GTF2H1: variants seen among roughly 807,000 people sequenced by gnomAD.
GTF2H1 encodes BTF2 p62.
A neutral mutation model predicts 71.2 loss-of-function variants in GTF2H1; 16 were observed. The ratio of observed to expected loss-of-function variants is 0.22; its 90% confidence interval spans 0.15 to 0.34. The LOEUF (loss-of-function observed/expected upper bound fraction) is 0.34. Ranked by LOEUF, GTF2H1 falls within the 10% of genes least tolerant of loss-of-function variation. GTF2H1 has a pLI of 1.00. For synonymous variants in GTF2H1, 215 were observed against 219.0 expected, an observed-to-expected ratio of 0.98 and a Z score of 0.16; for missense variants, 498 against 648.2, an observed-to-expected ratio of 0.77 and a Z score of 2.52.
intron 11 of GTF2H1, among the ~76,000 whole-genome samples, chr11:18,354,889 A>G (rs1352304625): frequency 1.3e-5 from 2 of 151,366 alleles, no homozygotes; most frequent in Admixed American, 1.3e-4. Context: ...GCCCACTGCA[A>G]CCTCCACCTC....
chr11:18,363,486 A>G (rs756938860), intron 14 of GTF2H1, among the ~76,000 whole-genome samples: 4 of 152,212 alleles, frequency 2.6e-5, no homozygotes, highest in Non-Finnish European at 5.9e-5. Context: ...GACCGCCATC[A>G]TATATGCACA....
chr11:18,330,835 C>T (rs1478242591), intron 1 of GTF2H1, among the ~76,000 whole-genome samples: 1 of 152,054 alleles, frequency 6.6e-6, no homozygotes, highest in Non-Finnish European at 1.5e-5. Context: ...TGGCTCAGTA[C>T]AGATTTGTTG....
chr11:18,343,947 A>G (rs1305736659), intron 7 of GTF2H1, among the ~76,000 whole-genome samples: 1 of 152,104 alleles, frequency 6.6e-6, no homozygotes, highest in African/African-American at 2.4e-5. Flanking sequence ...AATCTGCCTT[A>G]GGCTCCTGAG....
intron 7 of GTF2H1, among the ~76,000 whole-genome samples, chr11:18,346,643 C>T (rs1285358593): frequency 6.6e-6 from 1 of 151,612 alleles, no homozygotes; most frequent in Non-Finnish European, 1.5e-5. Flanking sequence ...TTTATCTTGC[C>T]TAGATTAACG....
rs772325446 is a variant in GTF2H1 at position 18,365,746 on chromosome 11, T to C, written c.1561-37T>C. 2.1e-6 allele frequency: 3 copies of C among 1,425,820 alleles called. No homozygotes were observed. The East Asian group carries it at 6.8e-5, about 32-fold the overall frequency. The allele number at this position is 1,425,820 out of a possible 1,614,324, so 88.3% of individuals were successfully genotyped here. A position where few individuals can be genotyped will look rare whatever the true frequency, so the allele number is the denominator to read the frequency against. On this transcript the variant is annotated intron_variant, in intron 14 of 14. Coordinates refer to ENST00000265963, the MANE Select transcript of GTF2H1 (RefSeq NM_005316.4). ...GTTGGAAGGATTAACTTCCCCTGCT[T>C]TTGCCCAGTTGTTAAGTGTCTTGCT... is the stretch of plus-strand genomic sequence containing the variant.
chr11:18,353,511 G>A (rs1005169945), intron 11 of GTF2H1, among the ~76,000 whole-genome samples: 1 of 152,162 alleles, frequency 6.6e-6, no homozygotes. Context: ...TTCGGCTTAT[G>A]CTCTTTCTCT....
At chr11:18,343,698 G>T (rs1302286109) in intron 7 of GTF2H1, among the ~76,000 whole-genome samples, 1 of 152,190 alleles carries the variant, frequency 6.6e-6, no homozygotes, top group Non-Finnish European at 1.5e-5. Context: ...GTATTTCAAA[G>T]ACATCTCAAC....
intron 1 of GTF2H1, among the ~76,000 whole-genome samples, chr11:18,327,265 G>A (rs758205789): frequency 3.4e-5 from 5 of 148,966 alleles, no homozygotes; most frequent in African/African-American, 7.3e-5. Context: ...AACTGCTCTA[G>A]TATAAAATAC....
At position 18,360,596 on chromosome 11, in the gene GTF2H1, T is replaced by A. The variant is rs375242590; in HGVS notation, c.1468-19T>A. ...AGCTTGAGATTTCTCTGTAATTTAT[T>A]GTTTCTCATCTTTTTTAGGTAGTGA... On this transcript the variant is annotated intron_variant, in intron 13 of 14. Coordinates refer to ENST00000265963, the MANE Select transcript of GTF2H1 (RefSeq NM_005316.4). 1.7e-6 allele frequency: 2 copies of A among 1,210,058 alleles called. No individual in the cohort carries two copies. The highest frequency in any genetic ancestry group is 3.1e-5 in the African/African-American group (2 of 64,166). 75.0% of individuals were successfully genotyped at this position (1,210,058 alleles called of 1,614,324 possible).
intron 11 of GTF2H1, among the ~76,000 whole-genome samples, chr11:18,352,691 CT>C (rs1158020227): frequency 6.6e-6 from 1 of 152,138 alleles, no homozygotes; most frequent in Non-Finnish European, 1.5e-5. Context: ...CTTCCATATA[CT>C]TTTATTGGGA....
rs755679869 is a variant in GTF2H1 at position 18,365,906 on chromosome 11, A to C, written c.*37A>C. ...TGCTTACAGGTTTTGTGAGATTGAG[A>C]GAACTATGACCTGCAGCAACTCTGG... On this transcript the variant is annotated 3_prime_UTR_variant, in exon 15 of 15. Coordinates refer to ENST00000265963, the MANE Select transcript of GTF2H1 (RefSeq NM_005316.4). The C allele has an allele frequency of 1.7e-5, 24 of 1,444,996 alleles. No homozygotes were observed. The highest frequency in any genetic ancestry group is 2.3e-5 in the Non-Finnish European group (24 of 1,028,238). 89.5% of individuals were successfully genotyped at this position (1,444,996 alleles called of 1,614,324 possible).
rs1317753639 is a variant in GTF2H1, at chr11:18,366,722, T to C, written c.*853T>C. The C allele has an allele frequency of 6.6e-6, 1 of 152,618 alleles. No individual in the cohort carries two copies. The allele number at this position is 152,618 out of a possible 1,614,324, so 9.5% of individuals were successfully genotyped here. On this transcript the variant is annotated 3_prime_UTR_variant, in exon 15 of 15. Coordinates refer to ENST00000265963, the MANE Select transcript of GTF2H1 (RefSeq NM_005316.4). ...GGCATGTGCTTTGAAAAGAAGATAT[T>C]GCATTTTTAAGAGTTTAAAAATCTT...
intron 1 of GTF2H1, among the ~76,000 whole-genome samples, chr11:18,323,565 A>C (rs528589127): frequency 1.3e-5 from 2 of 148,534 alleles, no homozygotes; most frequent in African/African-American, 5.0e-5. Flanking sequence ...AAACAAAAAC[A>C]AAAAAAAAAC....
intron 7 of GTF2H1, among the ~76,000 whole-genome samples, chr11:18,344,097 T>G (rs1460120003): frequency 6.6e-6 from 1 of 152,130 alleles, no homozygotes; most frequent in East Asian, 1.9e-4. Context: ...AGTGCTGAGA[T>G]TACAGGCGTG....
At chr11:18,329,038 G>A (rs375193977) in intron 1 of GTF2H1, among the ~76,000 whole-genome samples, 11 of 152,112 alleles carry the variant, frequency 7.2e-5, no homozygotes, top group Admixed American at 2.6e-4. Flanking sequence ...AAATGGGATT[G>A]TAAGAAAACA....
Position 18,358,622 on chromosome 11 carries a change from G to T in GTF2H1, c.1449G>T (p.Thr483=). 1 of 1,598,750 alleles carries T rather than the reference G, an allele frequency of 6.3e-7. No individual in the cohort carries two copies. The highest frequency in any genetic ancestry group is 1.1e-5 in the South Asian group (1 of 90,734). ...RHFWSCFPVN[T]PFLEEKVVKM... ...TCTGGTCCTGCTTTCCTGTTAATAC[G>T]CCATTCCTAGAAGAAAAGGTTAGAA... Residue 483 remains threonine, a synonymous_variant, in exon 13 of 15, where the codon ACG becomes ACT. Transcript: ENST00000265963.
intron 11 of GTF2H1, 40 bp from the exon 12 acceptor site, chr11:18,357,912 G>T: frequency 8.5e-7 from 1 of 1,169,992 alleles, no homozygotes; most frequent in Non-Finnish European, 1.3e-6. Context: ...AAAAAAAAAA[G>T]GGAGGAAAAC....
intron 1 of GTF2H1, among the ~76,000 whole-genome samples, chr11:18,330,920 G>A (rs951508335): frequency 6.6e-6 from 1 of 152,140 alleles, no homozygotes; most frequent in African/African-American, 2.4e-5. Context: ...TATAAAAGGG[G>A]TATCTGACTA....
intron 12 of GTF2H1, 39 bp downstream of exon 12, chr11:18,358,081 T>C (rs1865605217): frequency 6.8e-7 from 1 of 1,469,684 alleles, no homozygotes; most frequent in African/African-American, 1.4e-5. Context: ...TCTGCCTAAA[T>C]CAGCTTTAAA....
Sources: allele counts gnomAD v4.1 joint callset (sites outside exome capture counted in the v4.1 genomes callset), GRCh38; gene constraint gnomAD v4.1.1; transcripts MANE v1.5; gene names NCBI Gene and HGNC (gene_info 2026-07-23, HGNC 2026-07-21).